Variants in DIPK1B observed in about 807,000 individuals in gnomAD.
The protein encoded by DIPK1B is family with sequence similarity 69 member B.
DIPK1B carries 17 observed loss-of-function variants against 20.7 expected under a neutral mutation model. The ratio of observed to expected loss-of-function variants is 0.82; its 90% CI spans 0.56 to 1.23. The LOEUF (loss-of-function observed/expected upper bound fraction) is 1.23. Ranked by LOEUF, DIPK1B falls within the 50% of genes most tolerant of loss-of-function variation. DIPK1B has a pLI of 0.00. For missense variants in DIPK1B, 648 were observed against 601.8 expected (o/e 1.08, Z -0.80); for synonymous variants, 343 against 276.5 (o/e 1.24, Z -2.39).
intron 4 of DIPK1B, chr9:136,722,552 G>A: frequency 1.7e-6 from 1 of 588,112 alleles, no homozygotes. Context: ...GCAGTCAAGG[G>A]CCGTGTGTCC....
intron 1 of DIPK1B, among the ~76,000 whole-genome samples, chr9:136,716,408 C>T (rs938080907): frequency 3.3e-5 from 5 of 151,826 alleles, no homozygotes; most frequent in Non-Finnish European, 4.4e-5. Context: ...GCTGGGACTA[C>T]AGGCGTGAGT....
chr9:136,715,978 C>A (rs182895745), intron 1 of DIPK1B, among the ~76,000 whole-genome samples: 1 of 152,130 alleles, frequency 6.6e-6, no homozygotes, highest in African/African-American at 2.4e-5. Context: ...CTTCCCAGCC[C>A]GCGGCTCCCT....
At chr9:136,715,461 C>T (rs1432507268) in intron 1 of DIPK1B, among the ~76,000 whole-genome samples, 1 of 152,056 alleles carries the variant, frequency 6.6e-6, no homozygotes, top group Admixed American at 6.5e-5. Context: ...CCCTAAAAGC[C>T]GGCTCCCAGA....
At chr9:136,722,377 A>G (rs1846621091) in intron 4 of DIPK1B, 76 bp downstream of exon 4, 1 of 1,495,612 alleles carries the variant, frequency 6.7e-7, no homozygotes, top group African/African-American at 1.4e-5. Flanking sequence ...CCTGGCACCA[A>G]CATGCCCAGC....
At position 136,717,708 on chromosome 9, in the gene DIPK1B, C is replaced by A; in HGVS notation, c.195C>A (p.Val65=). The A allele has an allele frequency of 1.2e-6, 2 of 1,611,226 alleles. No homozygotes were observed. The highest frequency in any genetic ancestry group is 1.7e-6 in the Non-Finnish European group (2 of 1,179,930). Residue 65 remains valine (V), a synonymous_variant, in exon 2 of 5, where the codon GTC becomes GTA. Coordinates refer to ENST00000371692, the MANE Select transcript of DIPK1B (RefSeq NM_152421.4). ...GTCGCGGCCATGTCTGCCAGGTGGTCATTGTAAGTGTTGCTTGTGCGGGCT... is the reference window on the plus strand; with the variant it reads ...GTCGCGGCCATGTCTGCCAGGTGGTAATTGTAAGTGTTGCTTGTGCGGGCT... ...ERCRGHVCQV[V]ICDQYRKGII...
chr9:136,719,256 G>A (rs1231209458), intron 2 of DIPK1B, among the ~76,000 whole-genome samples: 1 of 152,150 alleles, frequency 6.6e-6, no homozygotes, highest in East Asian at 1.9e-4. Context: ...ACAAACAAGA[G>A]GAAGCTGCAG....
Position 136,722,197 on chromosome 9 carries a change from G to T in DIPK1B, c.379G>T (p.Ala127Ser), listed in dbSNP as rs147391517. 1.2e-6 allele frequency: 2 copies of T among 1,614,030 alleles called. No homozygotes were observed. The highest frequency in any genetic ancestry group is 2.2e-5 in the East Asian group (1 of 44,884). Reference sequence around the variant, plus strand: ...CATTGAGGAGACCCTCGACTCCAAGGCCCGGTCGGATGCGGCCCCCCGGCG... The same window carrying T: ...CATTGAGGAGACCCTCGACTCCAAGTCCCGGTCGGATGCGGCCCCCCGGCG... ...CGIEETLDSK[A>S]RSDAAPRREL... Residue 127 changes from alanine (A) to serine (S), a missense_variant, in exon 4 of 5, where the codon GCC (alanine) becomes TCC (serine). Physicochemically the swap from Ala to Ser is moderately conservative, Grantham distance 99 (BLOSUM62 1). Coordinates refer to ENST00000371692, the MANE Select transcript of DIPK1B (RefSeq NM_152421.4).
At position 136,722,956 on chromosome 9, in the gene DIPK1B, C is replaced by T. The variant is rs200267415; in HGVS notation, c.484-6C>T. On this transcript the variant is annotated splice_polypyrimidine_tract_variant and splice_region_variant and intron_variant, in intron 4 of 4. Coordinates refer to ENST00000371692, the MANE Select transcript of DIPK1B (RefSeq NM_152421.4). ...GCTTTTCCTTTCTTTTGGTCCCAAA[C>T]GCCAGGCGAACCTGGGAGACCTGCC... is the stretch of plus-strand genomic sequence containing the variant. The T allele has an allele frequency of 2.4e-4, 376 of 1,598,246 alleles. 3 individuals carry two copies. The highest frequency in any genetic ancestry group is 1.3e-3 in the Middle Eastern group (8 of 6,000).
intron 1 of DIPK1B, among the ~76,000 whole-genome samples, chr9:136,715,154 G>A (rs747495064): frequency 3.3e-5 from 5 of 152,230 alleles, no homozygotes; most frequent in Non-Finnish European, 7.3e-5. Context: ...GGAGCCAGCA[G>A]TGGGGCCTCT....
intron 2 of DIPK1B, among the ~76,000 whole-genome samples, chr9:136,718,438 C>T (rs1846536995): frequency 1.3e-5 from 2 of 152,284 alleles, no homozygotes; most frequent in East Asian, 3.9e-4. Flanking sequence ...TGTCTGGGAG[C>T]AAACGTGTCC....
intron 4 of DIPK1B, 105 bp from the exon 5 acceptor site, chr9:136,722,857 G>A: frequency 8.3e-7 from 1 of 1,206,418 alleles, no homozygotes. Flanking sequence ...AGATGTGCTG[G>A]TCTGGCCGGC....
chr9:136,717,456 AG>A, intron 1 of DIPK1B, 120 bp from the exon 2 acceptor site: 1 of 1,184,962 alleles, frequency 8.4e-7, no homozygotes, highest in East Asian at 2.6e-5. Flanking sequence ...CAGGGGGCCA[AG>A]GGGATGGCAG....
chr9:136,714,967 GC>G (rs1846476306), intron 1 of DIPK1B, among the ~76,000 whole-genome samples: 1 of 152,270 alleles, frequency 6.6e-6, no homozygotes, highest in Admixed American at 6.5e-5. Context: ...GGAGCTGGTG[GC>G]CCCATTTTAG....
At position 136,723,646 on chromosome 9, in the gene DIPK1B, G is replaced by A. The variant is rs745915475; in HGVS notation, c.1168G>A (p.Gly390Ser). ...GAPADLREEL[G>S]TQLRTCTTLS... The stretch of plus-strand genomic sequence containing the variant: ...GCCCGCCGACCTCCGCGAGGAGCTG[G>A]GCACACAGCTGCGCACCTGTACCAC... Residue 390 changes from glycine to serine, a missense_variant, in exon 5 of 5, where the codon GGC becomes AGC. Physicochemically the swap from Gly to Ser is moderately conservative, Grantham distance 56. Transcript: ENST00000371692. 2 of 1,566,780 alleles carry A rather than the reference G, an allele frequency of 1.3e-6. No homozygotes were observed. Among genetic ancestry groups the A allele is most frequent in the Non-Finnish European group, 1.7e-6 (2 of 1,158,496 alleles).
chr9:136,713,936 C>T (rs926468537), intron 1 of DIPK1B, among the ~76,000 whole-genome samples: 90 of 152,352 alleles, frequency 5.9e-4, no homozygotes, highest in Non-Finnish European at 1.0e-3. Context: ...TGTTCCCATC[C>T]CCTGGGTGAC....
At chr9:136,717,792 C>A (rs1846521670) in intron 2 of DIPK1B, 81 bp downstream of exon 2, 1 of 1,583,278 alleles carries the variant, frequency 6.3e-7, no homozygotes, top group South Asian at 1.1e-5. Context: ...CCTGGAGACA[C>A]CTTCCTCCCC....
intron 3 of DIPK1B, 38 bp from the exon 4 acceptor site, chr9:136,722,087 G>A (rs1197438158): frequency 1.2e-6 from 2 of 1,613,566 alleles, no homozygotes; most frequent in South Asian, 1.1e-5. Context: ...CAGTGGGAGG[G>A]GGATGTCTGC....
chr9:136,716,184 C>T (rs535601338), intron 1 of DIPK1B, among the ~76,000 whole-genome samples: 11 of 152,004 alleles, frequency 7.2e-5, no homozygotes, highest in Admixed American at 2.0e-4. Flanking sequence ...ATAGACGCAG[C>T]TGCTCTTCCA....
rs1239141813 is a variant in DIPK1B at position 136,721,833 on chromosome 9, C to T, written c.199-88C>T. The T allele has an allele frequency of 3.7e-5, 44 of 1,188,052 alleles. No individual in the cohort carries two copies. In the East Asian group the frequency reaches 9.7e-4, roughly 26 times the overall value. The allele number at this position is 1,188,052 out of a possible 1,614,324, so 73.6% of individuals were successfully genotyped here. A position where few individuals can be genotyped will look rare whatever the true frequency, so the allele number is the denominator to read the frequency against. Reference sequence around the variant, plus strand: ...GCTTTCCAACTGCAGCAAGTGGAGGCCCCTGCCAGCTTCGGGCCTGTGGGC... The same window carrying T: ...GCTTTCCAACTGCAGCAAGTGGAGGTCCCTGCCAGCTTCGGGCCTGTGGGC... On this transcript the variant is annotated intron_variant, in intron 2 of 4. Coordinates refer to ENST00000371692, the MANE Select transcript of DIPK1B (RefSeq NM_152421.4).
Sources: allele counts gnomAD v4.1 joint callset (sites outside exome capture counted in the v4.1 genomes callset), GRCh38; gene constraint gnomAD v4.1.1; transcripts MANE v1.5; gene names NCBI Gene and HGNC (gene_info 2026-07-23, HGNC 2026-07-21).